The following PRTG variants were observed in gnomAD, a reference collection of about 807,000 sequenced individuals.
PRTG encodes the protein immunoglobulin superfamily, DCC subclass, member 5.
In PRTG, 67 loss-of-function variants were observed where a neutral mutation model predicts 122.5. The observed-to-expected ratio is 0.55, with a 90% CI of 0.45 to 0.67. The LOEUF (loss-of-function observed/expected upper bound fraction) is 0.67. PRTG is among the 30% of genes least tolerant of loss of function. The pLI is 0.00. For missense variants in PRTG, 1,435 were observed against 1,415.4 expected (o/e 1.01, Z -0.22); for synonymous variants, 554 against 501.1 (o/e 1.11, Z -1.41).
intron 11 of PRTG, among the ~76,000 whole-genome samples, chr15:55,669,427 TA>T (rs549938224): frequency 8.5e-5 from 13 of 152,310 alleles, no homozygotes; most frequent in Admixed American, 6.5e-4. Flanking sequence ...CACTCTCTGT[TA>T]AACAGGCAGC....
At chr15:55,664,384 C>T (rs1317832314) in intron 11 of PRTG, among the ~76,000 whole-genome samples, 1 of 152,116 alleles carries the variant, frequency 6.6e-6, no homozygotes, top group African/African-American at 2.4e-5. Context: ...CTCAGGTGAT[C>T]CACCCGCCTC....
intron 2 of PRTG, among the ~76,000 whole-genome samples, chr15:55,687,849 T>A (rs1018333855): frequency 4.6e-5 from 7 of 152,228 alleles, no homozygotes; most frequent in African/African-American, 1.7e-4. Context: ...AGGACTTTCA[T>A]CGGTTACCTC....
chr15:55,694,310 G>A (rs1278538224), intron 2 of PRTG, among the ~76,000 whole-genome samples: 1 of 152,124 alleles, frequency 6.6e-6, no homozygotes, highest in Admixed American at 6.6e-5. Flanking sequence ...ACAGATTGCA[G>A]TGAAAGTATG....
chr15:55,635,032 C>T (rs1243665085), intron 15 of PRTG, among the ~76,000 whole-genome samples: 2 of 150,422 alleles, frequency 1.3e-5, no homozygotes, highest in Non-Finnish European at 2.9e-5. Context: ...GGGGCTTCCT[C>T]TCTTCTCTTC....
chr15:55,729,318 C>A (rs1388071323), intron 2 of PRTG, among the ~76,000 whole-genome samples: 1 of 152,140 alleles, frequency 6.6e-6, no homozygotes, highest in Non-Finnish European at 1.5e-5. Context: ...CATATAGGCA[C>A]ATCCACTGAG....
chr15:55,739,136 A>G (rs1480799658), intron 2 of PRTG, among the ~76,000 whole-genome samples: 3 of 152,180 alleles, frequency 2.0e-5, no homozygotes, highest in African/African-American at 7.2e-5. Flanking sequence ...TAAAATAGTT[A>G]ATATAAGGAT....
At chr15:55,667,263 C>A (rs1016232470) in intron 11 of PRTG, among the ~76,000 whole-genome samples, 10 of 150,106 alleles carry the variant, frequency 6.7e-5, no homozygotes, top group Admixed American at 6.6e-4. Flanking sequence ...CTTACAGTTT[C>A]ATCAATCTGT....
chr15:55,714,416 A>G (rs1257439429), intron 2 of PRTG, among the ~76,000 whole-genome samples: 2 of 149,866 alleles, frequency 1.3e-5, no homozygotes, highest in Non-Finnish European at 3.0e-5. Context: ...TTTTTTGTAG[A>G]CAGGAGGTGT....
intron 2 of PRTG, among the ~76,000 whole-genome samples, chr15:55,699,485 G>A (rs1408504800): frequency 6.6e-6 from 1 of 152,228 alleles, no homozygotes; most frequent in Admixed American, 6.5e-5. Context: ...ACTCACAATT[G>A]GCTATGATGG....
At chr15:55,702,520 T>C (rs937202160) in intron 2 of PRTG, among the ~76,000 whole-genome samples, 4 of 152,210 alleles carry the variant, frequency 2.6e-5, no homozygotes, top group African/African-American at 7.2e-5. Flanking sequence ...GAGCATATAG[T>C]ATAATGTGTA....
chr15:55,732,240 G>C (rs1200576576), intron 2 of PRTG, among the ~76,000 whole-genome samples: 2 of 152,182 alleles, frequency 1.3e-5, no homozygotes, highest in African/African-American at 4.8e-5. Context: ...CCAGGCTAGA[G>C]TGCAGTGACA....
At chr15:55,638,337 G>A (rs720508) in intron 14 of PRTG, among the ~76,000 whole-genome samples, 11,032 of 151,994 alleles carry the variant, frequency 0.073, 493 homozygotes, top group Non-Finnish European at 0.1. Flanking sequence ...TTAAGCCTAC[G>A]TGCTTGCACA....
rs2059554614 is a variant in PRTG at position 55,683,787 on chromosome 15, C to A, written c.542G>T (p.Arg181Met). 1 of 1,609,560 alleles carries A rather than the reference C, an allele frequency of 6.2e-7. No homozygotes were observed. ...TCCAAAGACAAAAATCTACATCTAC[C>A]TGTCCATAGTCATAGGTAGAGTTGT... The part of the protein sequence containing the change: ...NRTTLPMTMD[R>M]ITALPTGVLQ... Residue 181 changes from arginine (R) to methionine (M), a missense_variant and splice_region_variant, in exon 3 of 20, where the codon AGG becomes ATG. Coordinates refer to ENST00000389286, the MANE Select transcript of PRTG (RefSeq NM_173814.6).
At chr15:55,707,072 G>C (rs1418531964) in intron 2 of PRTG, among the ~76,000 whole-genome samples, 8 of 152,262 alleles carry the variant, frequency 5.3e-5, no homozygotes, top group African/African-American at 1.9e-4. Context: ...GTATTCCGAA[G>C]GCAGTGGGGA....
At chr15:55,646,385 C>T (rs754971165) in intron 11 of PRTG, among the ~76,000 whole-genome samples, 4 of 151,098 alleles carry the variant, frequency 2.6e-5, no homozygotes, top group African/African-American at 9.7e-5. Context: ...TGCAGTGGCA[C>T]GATCTCAGCT....
chr15:55,650,133 A>C (rs1222016289), intron 11 of PRTG, among the ~76,000 whole-genome samples: 1 of 152,188 alleles, frequency 6.6e-6, no homozygotes, highest in East Asian at 1.9e-4. Flanking sequence ...GTGGCTATGA[A>C]AGTTGCTCAG....
At chr15:55,712,425 C>G (rs1228996174) in intron 2 of PRTG, among the ~76,000 whole-genome samples, 2 of 147,530 alleles carry the variant, frequency 1.4e-5, no homozygotes, top group African/African-American at 5.4e-5. Context: ...TTCAACCAAA[C>G]CCACAAATCT....
chr15:55,626,952 T>C (rs2059198244), intron 17 of PRTG, 56 bp downstream of exon 17: 2 of 1,511,676 alleles, frequency 1.3e-6, no homozygotes, highest in Non-Finnish European at 1.8e-6. Flanking sequence ...TTGTTTCCTG[T>C]GGCTACCGTA....
rs138319547 is a variant in PRTG at position 55,635,235 on chromosome 15, G to C, written c.2623+1935C>G. ...GCCTCCCGAGTAGTTGGGCCTACAA[G>C]CATGTGCCACCATGCCTGCCTAATT... On this transcript the variant is annotated intron_variant, in intron 15 of 19. Coordinates refer to ENST00000389286, the MANE Select transcript of PRTG (RefSeq NM_173814.6). Among the ~76,000 whole-genome samples the C allele has an allele frequency of 8.5e-3, 1,290 of 152,260 alleles. 20 individuals are homozygous for C. Among genetic ancestry groups the C allele is most frequent in the African/African-American group, 0.03 (1,229 of 41,552 alleles).
Sources: gnomAD v4.1 joint callset for allele counts (sites outside exome capture counted in the v4.1 genomes callset) on GRCh38, gnomAD v4.1.1 for gene constraint, MANE v1.5 for transcripts, NCBI Gene and HGNC (gene_info 2026-07-23, HGNC 2026-07-21) for gene names.